DYNC1LI2: variants seen among roughly 807,000 people sequenced by gnomAD.
DYNC1LI2 encodes cytoplasmic dynein 1 light intermediate chain 2.
Under a neutral mutation model 57.8 loss-of-function variants are expected in DYNC1LI2, and 19 were observed. The ratio of observed to expected loss-of-function variants is 0.33; its 90% confidence interval spans 0.23 to 0.48. DYNC1LI2 has a LOEUF of 0.48. Among genes scored for constraint, DYNC1LI2 ranks in the 20% least tolerant of loss-of-function variants. The pLI is 0.99. For synonymous variants in DYNC1LI2, 256 were observed against 233.4 expected (o/e 1.10, Z -0.88); for missense variants, 470 against 604.2 (o/e 0.78, Z 2.33).
chr16:66,737,646 T>C (rs1314789683), intron 4 of DYNC1LI2, among the ~76,000 whole-genome samples: 2 of 152,208 alleles, frequency 1.3e-5, no homozygotes, highest in East Asian at 3.8e-4. Flanking sequence ...GTGGACTCAG[T>C]CTCATCTTTT....
intron 11 of DYNC1LI2, among the ~76,000 whole-genome samples, 194 bp from the exon 12 acceptor site, chr16:66,726,138 T>G (rs918851459): frequency 1.3e-5 from 2 of 152,148 alleles, no homozygotes; most frequent in East Asian, 3.9e-4. Context: ...GGAACCATGT[T>G]TACATTTCCC....
Position 66,751,361 on chromosome 16 carries a change from G to A in DYNC1LI2, c.108-15C>T, listed in dbSNP as rs1473872646. On this transcript the variant is annotated splice_polypyrimidine_tract_variant and intron_variant, in intron 1 of 12. Transcript: ENST00000258198. The surrounding 1 kb of genome is among the most constrained non-coding windows in gnomAD (Gnocchi z 5.2). ...GAATGGAGGACCTGTGGCGACAATG[G>A]CAAGAGTGGTCAGCCCCGGGCCGGG... 1.9e-5 allele frequency: 31 copies of A among 1,610,306 alleles called. No homozygotes were observed. Among genetic ancestry groups the A allele is most frequent in the Non-Finnish European group, 2.6e-5 (31 of 1,178,468 alleles).
chr16:66,723,180 C>G lies in DYNC1LI2; in HGVS notation c.*542G>C, dbSNP rs935444456. ...AATGCTTCTAACAATGATTCTTCAA[C>G]TTCTACTGAATGCACAGTATTTACT... On this transcript the variant is annotated 3_prime_UTR_variant, in exon 13 of 13. Transcript: ENST00000258198. 2.9e-6 allele frequency: 1 copy of G among 345,918 alleles called. No individual in the cohort carries two copies. Among genetic ancestry groups the G allele is most frequent in the Admixed American group, 3.6e-5 (1 of 27,534 alleles). The allele number at this position is 345,918 out of a possible 1,614,324, so 21.4% of individuals were successfully genotyped here. A position where few individuals can be genotyped will look rare whatever the true frequency, so the allele number is the denominator to read the frequency against.
chr16:66,735,172 C>A (rs1268361497), intron 5 of DYNC1LI2, among the ~76,000 whole-genome samples: 1 of 149,366 alleles, frequency 6.7e-6, no homozygotes, highest in African/African-American at 2.5e-5. Context: ...GGCGCCATCT[C>A]AGCTCACTGC....
At chr16:66,728,632 T>C (rs1471788155) in intron 9 of DYNC1LI2, among the ~76,000 whole-genome samples, 2 of 152,178 alleles carry the variant, frequency 1.3e-5, no homozygotes, top group Admixed American at 6.5e-5. Context: ...AACTGTCAGC[T>C]TGGGGAAGTT....
chr16:66,732,554 A>C (rs2017656986), intron 6 of DYNC1LI2, 80 bp from the exon 7 acceptor site: 2 of 1,463,902 alleles, frequency 1.4e-6, no homozygotes, highest in South Asian at 1.4e-5. Context: ...AGTACTACTC[A>C]TAGGTTGATC....
intron 2 of DYNC1LI2, among the ~76,000 whole-genome samples, chr16:66,749,529 G>A (rs1318296958): frequency 6.6e-6 from 1 of 152,154 alleles, no homozygotes; most frequent in Non-Finnish European, 1.5e-5. Flanking sequence ...GATCTAAAAT[G>A]ACATTCTACT....
intron 8 of DYNC1LI2, 92 bp from the exon 9 acceptor site, chr16:66,729,191 G>A: frequency 7.2e-7 from 1 of 1,385,236 alleles, no homozygotes; most frequent in Non-Finnish European, 1.0e-6. Flanking sequence ...CGAGGCTCAG[G>A]CTTCAACACA....
chr16:66,727,811 T>C lies in DYNC1LI2; in HGVS notation c.1144-6A>G. ...GGTCCTCTTGCAGGAGATTCCTAAG[T>C]CCAAAAGCAGCTAAGGTCACACACA... is the stretch of plus-strand genomic sequence containing the variant. On this transcript the variant is annotated splice_polypyrimidine_tract_variant and splice_region_variant and intron_variant, in intron 10 of 12. Coordinates refer to ENST00000258198, the MANE Select transcript of DYNC1LI2 (RefSeq NM_006141.3). 1 of 1,607,804 alleles carries C rather than the reference T, an allele frequency of 6.2e-7. No individual in the cohort carries two copies. The highest frequency in any genetic ancestry group is 1.3e-5 in the African/African-American group (1 of 74,712).
At chr16:66,748,390 G>A (rs1252259822) in intron 3 of DYNC1LI2, among the ~76,000 whole-genome samples, 2 of 150,680 alleles carry the variant, frequency 1.3e-5, no homozygotes, top group Admixed American at 6.6e-5. Context: ...AATTACACTT[G>A]TAAGAAAACA....
At chr16:66,732,567 TTTTTGATCAA>T in intron 6 of DYNC1LI2, 93 bp from the exon 7 acceptor site, 2 of 1,383,442 alleles carry the variant, frequency 1.4e-6, no homozygotes, top group Non-Finnish European at 1.9e-6. Flanking sequence ...GGTTGATCAG[TTTTTGATCAA>T]TATATGAGCA....
In DYNC1LI2 at chr16:66,741,897, C is replaced by CAAA. The variant is rs66527903; in HGVS notation, c.529+538_529+540dup. Among the ~76,000 whole-genome samples, 188 of 106,798 alleles carry CAAA rather than the reference C, an allele frequency of 1.8e-3. 3 individuals are homozygous for CAAA. In the South Asian group the frequency reaches 0.025, roughly 14 times the overall value. The allele number at this position is 106,798 out of a possible 152,430, so 70.1% of individuals were successfully genotyped here. Reference sequence around the variant, plus strand: ...TTAAAATAACCTTTCATGTTAATTACAAAAAAAAAAAAAAAAAAAAAAAGA... The same window carrying CAAA: ...TTAAAATAACCTTTCATGTTAATTACAAAAAAAAAAAAAAAAAAAAAAAAAAGA... On this transcript the variant is annotated intron_variant, in intron 4 of 12. Transcript: ENST00000258198.
chr16:66,749,430 GTC>G, intron 2 of DYNC1LI2, 117 bp from the exon 3 acceptor site: 3 of 1,002,120 alleles, frequency 3.0e-6, no homozygotes, highest in Non-Finnish European at 4.6e-6. Context: ...TGCTGTTGAA[GTC>G]TCACCTGCTT....
intron 3 of DYNC1LI2, among the ~76,000 whole-genome samples, chr16:66,744,226 G>GT (rs1347566392): frequency 6.6e-6 from 1 of 151,672 alleles, no homozygotes; most frequent in Non-Finnish European, 1.5e-5. Context: ...TAATTTTTTA[G>GT]TTTTTTGTAG....
intron 3 of DYNC1LI2, among the ~76,000 whole-genome samples, chr16:66,745,457 T>C (rs1182829913): frequency 6.6e-6 from 1 of 151,426 alleles, no homozygotes; most frequent in African/African-American, 2.4e-5. Flanking sequence ...TTTGTATTTT[T>C]AGTAGAAATG....
intron 3 of DYNC1LI2, among the ~76,000 whole-genome samples, chr16:66,742,876 G>C (rs528568550): frequency 6.6e-6 from 1 of 152,170 alleles, no homozygotes; most frequent in African/African-American, 2.4e-5. Context: ...AGTAATATAG[G>C]GTCCAGGCAT....
chr16:66,722,015 G>T lies in DYNC1LI2; in HGVS notation c.*1707C>A, dbSNP rs1382981918. The T allele has an allele frequency of 2.0e-5, 3 of 152,468 alleles. No homozygotes were observed. Among genetic ancestry groups the T allele is most frequent in the Non-Finnish European group, 4.4e-5 (3 of 67,978 alleles). The allele number at this position is 152,468 out of a possible 1,614,324, so 9.4% of individuals were successfully genotyped here. The stretch of plus-strand genomic sequence containing the variant: ...GGTAACTGGAAGCCACAATACATTT[G>T]TTTTTTTAAAAAACTGAATTAAAAA... On this transcript the variant is annotated 3_prime_UTR_variant, in exon 13 of 13. Coordinates refer to ENST00000258198, the MANE Select transcript of DYNC1LI2 (RefSeq NM_006141.3).
intron 4 of DYNC1LI2, among the ~76,000 whole-genome samples, chr16:66,737,571 C>G (rs1411334633): frequency 1.3e-5 from 2 of 151,430 alleles, no homozygotes; most frequent in Admixed American, 1.3e-4. Context: ...TGAAGCTTGT[C>G]AGCACTAAGT....
chr16:66,724,384 A>G (rs1453245721), intron 12 of DYNC1LI2, among the ~76,000 whole-genome samples: 1 of 152,118 alleles, frequency 6.6e-6, no homozygotes, highest in Non-Finnish European at 1.5e-5. Flanking sequence ...AGGGAATACT[A>G]CCAGCCCAGA....
Sources: allele counts gnomAD v4.1 joint callset (sites outside exome capture counted in the v4.1 genomes callset), GRCh38; gene constraint gnomAD v4.1.1; non-coding constraint Gnocchi (gnomAD v3.1); transcripts MANE v1.5; gene names NCBI Gene and HGNC (gene_info 2026-07-23, HGNC 2026-07-21).